Variants in SLC16A7 observed in about 807,000 individuals in gnomAD.
SLC16A7 encodes monocarboxylate transporter 2.
A neutral mutation model predicts 34.9 loss-of-function variants in SLC16A7; 33 were observed. The observed-to-expected ratio is 0.94, with a 90% CI of 0.72 to 1.26. The LOEUF (loss-of-function observed/expected upper bound fraction) is 1.26. SLC16A7 is among the 50% of genes most tolerant of loss of function. The pLI is 0.00. For synonymous variants in SLC16A7, 201 were observed against 206.6 expected (o/e 0.97, Z 0.23); for missense variants, 573 against 578.1 (o/e 0.99, Z 0.09).
At chr12:59,752,505 G>A (rs551842676) in intron 3 of SLC16A7, among the ~76,000 whole-genome samples, 25 of 152,260 alleles carry the variant, frequency 1.6e-4, no homozygotes, top group African/African-American at 4.3e-4. Flanking sequence ...AAGGGTATCC[G>A]TGATGGAAGA....
chr12:59,656,274 A>G (rs554167977), intron 2 of SLC16A7, among the ~76,000 whole-genome samples: 1 of 151,956 alleles, frequency 6.6e-6, no homozygotes, highest in Non-Finnish European at 1.5e-5. Flanking sequence ...GTTATGTTAC[A>G]TGGTAAAGGG....
intron 5 of SLC16A7, among the ~76,000 whole-genome samples, chr12:59,776,397 T>C (rs1365121639): frequency 2.0e-5 from 3 of 152,190 alleles, no homozygotes; most frequent in East Asian, 3.8e-4. Flanking sequence ...GTTAAAACTT[T>C]GTTTAGTCTT....
chr12:59,786,937 T>C lies in SLC16A7; in HGVS notation c.*7258T>C, dbSNP rs1883664049. On this transcript the variant is annotated 3_prime_UTR_variant, in exon 6 of 6. Coordinates refer to ENST00000547379, the MANE Select transcript of SLC16A7 (RefSeq NM_001270623.2). The stretch of plus-strand genomic sequence containing the variant: ...AATGAATATATTTTTCCAATCATGG[T>C]TTGCAAAATCATGTTTGCAAACTTA... 6.6e-6 allele frequency: 1 copy of C among 152,096 alleles called. No individual in the cohort carries two copies. The highest frequency in any genetic ancestry group is 2.4e-5 in the African/African-American group (1 of 41,418). The allele number at this position is 152,096 out of a possible 1,614,324, so 9.4% of individuals were successfully genotyped here. A position where few individuals can be genotyped will look rare whatever the true frequency, so the allele number is the denominator to read the frequency against.
At chr12:59,640,898 G>T (rs893701896) in intron 1 of SLC16A7, among the ~76,000 whole-genome samples, 1 of 151,982 alleles carries the variant, frequency 6.6e-6, no homozygotes, top group Non-Finnish European at 1.5e-5. Context: ...GTTTTTTAAA[G>T]AGGAACTGCA....
intron 3 of SLC16A7, among the ~76,000 whole-genome samples, chr12:59,712,870 C>T (rs1369276917): frequency 6.6e-6 from 1 of 152,058 alleles, no homozygotes; most frequent in African/African-American, 2.4e-5. Context: ...TATTGAATGC[C>T]TTCTTCTTTA....
intron 1 of SLC16A7, among the ~76,000 whole-genome samples, chr12:59,650,488 T>A (rs1019357302): frequency 6.6e-6 from 1 of 152,102 alleles, no homozygotes; most frequent in Non-Finnish European, 1.5e-5. Flanking sequence ...CCTGAGAACT[T>A]GACTTCTCCA....
At chr12:59,760,929 A>G (rs903461805) in intron 3 of SLC16A7, among the ~76,000 whole-genome samples, 2 of 152,178 alleles carry the variant, frequency 1.3e-5, no homozygotes, top group Non-Finnish European at 2.9e-5. Flanking sequence ...TGAAGCAAGG[A>G]GCAGATTGGT....
intron 1 of SLC16A7, among the ~76,000 whole-genome samples, chr12:59,653,630 A>C (rs1250669313): frequency 2.0e-5 from 3 of 151,574 alleles, no homozygotes; most frequent in Non-Finnish European, 4.4e-5. Flanking sequence ...TGTTTTAAGG[A>C]GGTATTTGCA....
In SLC16A7 at chr12:59,602,412, T is replaced by C. The variant is rs536681725; in HGVS notation, c.-130+6176T>C. Among the ~76,000 whole-genome samples the C allele has an allele frequency of 3.1e-3, 477 of 152,024 alleles. 1 individual carries two copies. Among genetic ancestry groups the C allele is most frequent in the African/African-American group, 0.011 (456 of 41,470 alleles). ...ACTTCTCTCACCGCTCATTTACTGC[T>C]TCTTCTCCAGCTCGCCTTTCACCTC... On this transcript the variant is annotated intron_variant, in intron 1 of 5. Transcript: ENST00000547379.
chr12:59,616,481 A>G (rs191996228), intron 1 of SLC16A7, among the ~76,000 whole-genome samples: 6 of 152,292 alleles, frequency 3.9e-5, no homozygotes, highest in Admixed American at 3.9e-4. Flanking sequence ...TAAATATTTT[A>G]GCTTTTTTAA....
At chr12:59,715,662 C>A (rs1374975075) in intron 3 of SLC16A7, among the ~76,000 whole-genome samples, 1 of 152,158 alleles carries the variant, frequency 6.6e-6, no homozygotes, top group Non-Finnish European at 1.5e-5. Flanking sequence ...TTTTTCACCA[C>A]TCTGCACATA....
chr12:59,747,784 G>A (rs1428922101), intron 3 of SLC16A7, among the ~76,000 whole-genome samples: 1 of 152,162 alleles, frequency 6.6e-6, no homozygotes. Flanking sequence ...CTTAGTGTAA[G>A]AAGAAAAAGT....
At chr12:59,664,739 T>C (rs1869053169) in intron 2 of SLC16A7, 1 of 152,148 alleles carries the variant, frequency 6.6e-6, no homozygotes, top group Non-Finnish European at 1.5e-5. Flanking sequence ...AAGTATGAAC[T>C]AATAGTGCAC....
chr12:59,610,471 ATTG>A (rs1565616735), intron 1 of SLC16A7, among the ~76,000 whole-genome samples: 1 of 152,206 alleles, frequency 6.6e-6, no homozygotes. Context: ...GGATTTGAAT[ATTG>A]TTTTCTTCTT....
At chr12:59,649,945 A>AT (rs775793065) in intron 1 of SLC16A7, among the ~76,000 whole-genome samples, 5 of 151,988 alleles carry the variant, frequency 3.3e-5, no homozygotes, top group Non-Finnish European at 7.4e-5. Flanking sequence ...GTGGAACTCC[A>AT]TCCCCCCTCC....
chr12:59,777,896 T>C (rs1882921344), intron 5 of SLC16A7, among the ~76,000 whole-genome samples: 1 of 148,792 alleles, frequency 6.7e-6, no homozygotes, highest in South Asian at 2.1e-4. Context: ...AGTGAGAATA[T>C]GCAGTGTTTG....
chr12:59,612,615 T>A (rs1182066521), intron 1 of SLC16A7, among the ~76,000 whole-genome samples: 1 of 152,320 alleles, frequency 6.6e-6, no homozygotes, highest in East Asian at 1.9e-4. Flanking sequence ...TTCTATCACA[T>A]CATCAGGCTG....
chr12:59,655,160 C>A lies in SLC16A7; in HGVS notation c.-121C>A, dbSNP rs1868472420. 2 of 151,850 alleles carry A rather than the reference C, an allele frequency of 1.3e-5. No homozygotes were observed. Among genetic ancestry groups the A allele is most frequent in the South Asian group, 4.1e-4 (2 of 4,830 alleles). 9.4% of individuals were successfully genotyped at this position (151,850 alleles called of 1,614,324 possible). On this transcript the variant is annotated 5_prime_UTR_variant, in exon 2 of 6. Coordinates refer to ENST00000547379, the MANE Select transcript of SLC16A7 (RefSeq NM_001270623.2). ...TTCTTTGATTCTTCTAGGAGTCAATCTTAAGATGTGATACTTTCCTGTGAA... is the reference window on the plus strand; with the variant it reads ...TTCTTTGATTCTTCTAGGAGTCAATATTAAGATGTGATACTTTCCTGTGAA...
chr12:59,761,346 A>G (rs931729476), intron 3 of SLC16A7: 8 of 312,962 alleles, frequency 2.6e-5, no homozygotes, highest in African/African-American at 1.1e-4. Flanking sequence ...TAAATGTACT[A>G]CTTAAGTTAC....
Sources: allele counts gnomAD v4.1 joint callset (sites outside exome capture counted in the v4.1 genomes callset), GRCh38; gene constraint gnomAD v4.1.1; transcripts MANE v1.5; gene names NCBI Gene and HGNC (gene_info 2026-07-23, HGNC 2026-07-21).